Variants in CNOT1 observed in about 807,000 individuals in gnomAD.
CNOT1 encodes CCR4-associated factor 1.
In CNOT1, 15 loss-of-function variants were observed where a neutral mutation model predicts 273.8. That is an observed-to-expected ratio of 0.05 (90% CI 0.04 to 0.08). CNOT1 has a LOEUF of 0.08. CNOT1 is among the 10% of genes least tolerant of loss of function. The probability of loss-of-function intolerance (pLI) is 1.00; values close to 1 mark genes in which losing one functional copy is unlikely to be tolerated. For synonymous variants in CNOT1, 1,022 were observed against 1,005.5 expected (o/e 1.02, Z -0.31); for missense variants, 1,644 against 2,912.2 (o/e 0.56, Z 10.02).
intron 35 of CNOT1, among the ~76,000 whole-genome samples, chr16:58,539,237 T>C (rs113857107): frequency 4.6e-5 from 7 of 152,150 alleles, no homozygotes; most frequent in African/African-American, 1.4e-4. Flanking sequence ...CTCATGTCTA[T>C]AATCCTAGCG....
At chr16:58,556,049 T>G in intron 19 of CNOT1, 141 bp from the exon 20 acceptor site, 1 of 1,434,880 alleles carries the variant, frequency 7.0e-7, no homozygotes, top group Non-Finnish European at 9.1e-7. Context: ...GCGGTCAAGT[T>G]TCAGTATTAA....
chr16:58,525,638 T>G (rs1014003510), intron 45 of CNOT1, among the ~76,000 whole-genome samples: 8 of 152,218 alleles, frequency 5.3e-5, no homozygotes, highest in Non-Finnish European at 1.2e-4. Flanking sequence ...AATTAAAGAT[T>G]TGGAGAGAAA....
chr16:58,576,239 T>C (rs1047625857), intron 14 of CNOT1, among the ~76,000 whole-genome samples: 2 of 151,904 alleles, frequency 1.3e-5, no homozygotes, highest in Non-Finnish European at 2.9e-5. Context: ...GCCTCCTGAG[T>C]AGCTGGGATT....
chr16:58,599,166 A>G, intron 2 of CNOT1, 70 bp downstream of exon 2: 1 of 1,602,746 alleles, frequency 6.2e-7, no homozygotes, highest in Non-Finnish European at 8.5e-7. Context: ...TGCCCACATA[A>G]ATGTGTGGTT....
intron 27 of CNOT1, 97 bp from the exon 28 acceptor site, chr16:58,546,846 T>G: frequency 2.8e-6 from 4 of 1,440,808 alleles, no homozygotes; most frequent in Non-Finnish European, 2.9e-6. Context: ...TAGGGGGGAG[T>G]CAAACAAATA....
intron 34 of CNOT1, 146 bp downstream of exon 34, chr16:58,541,355 A>G: frequency 2.3e-6 from 3 of 1,295,406 alleles, no homozygotes; most frequent in Non-Finnish European, 3.1e-6. Flanking sequence ...TTAATTGGAC[A>G]CAAAGAATAC....
At chr16:58,556,491 T>C (rs2040635993) in intron 19 of CNOT1, among the ~76,000 whole-genome samples, 1 of 152,192 alleles carries the variant, frequency 6.6e-6, no homozygotes. Context: ...AAACAAAAAT[T>C]GGAAACAGAA....
rs747079500 is a variant in CNOT1 at position 58,555,927 on chromosome 16, G to T, written c.2480-19C>A. 7 of 1,608,554 alleles carry T rather than the reference G, an allele frequency of 4.4e-6. No homozygotes were observed. In the African/African-American group the frequency reaches 6.7e-5, roughly 15 times the overall value. ...AAGTCCGCTGTTGGAAACAAAAAAGGAATCAGTGGGCATTTAAGCCCTTCC... is the reference window on the plus strand; with the variant it reads ...AAGTCCGCTGTTGGAAACAAAAAAGTAATCAGTGGGCATTTAAGCCCTTCC... On this transcript the variant is annotated intron_variant, in intron 19 of 48. Transcript: ENST00000317147.
chr16:58,543,117 AAAC>A (rs2040144546), intron 31 of CNOT1: 7 of 1,296,590 alleles, frequency 5.4e-6, no homozygotes, highest in African/African-American at 1.5e-5. Context: ...AAAAGGCAAA[AAAC>A]AACCAAAAAA....
intron 46 of CNOT1, among the ~76,000 whole-genome samples, chr16:58,524,672 C>G (rs2039525701): frequency 6.6e-6 from 1 of 152,008 alleles, no homozygotes; most frequent in African/African-American, 2.4e-5. Flanking sequence ...TAACTGGGGT[C>G]TCTATTTTAT....
At chr16:58,627,728 C>T (rs1445076257) in intron 1 of CNOT1, among the ~76,000 whole-genome samples, 1 of 152,072 alleles carries the variant, frequency 6.6e-6, no homozygotes, top group Non-Finnish European at 1.5e-5. Flanking sequence ...AATTCTTTTC[C>T]ACCGTAATGC....
chr16:58,553,106 CTACAAAAA>C (rs2040509565), intron 22 of CNOT1, among the ~76,000 whole-genome samples: 1 of 151,980 alleles, frequency 6.6e-6, no homozygotes. Flanking sequence ...AACCTCGTCT[CTACAAAAA>C]TACAAAAATT....
Position 58,547,303 on chromosome 16 carries a change from T to C in CNOT1, c.3640-7A>G, listed in dbSNP as rs574961189. The C allele has an allele frequency of 5.6e-6, 9 of 1,612,198 alleles. No individual in the cohort carries two copies. In the African/African-American group the frequency reaches 6.7e-5, roughly 12 times the overall value. On this transcript the variant is annotated splice_polypyrimidine_tract_variant and splice_region_variant and intron_variant, in intron 26 of 48. Coordinates refer to ENST00000317147, the MANE Select transcript of CNOT1 (RefSeq NM_016284.5). The surrounding 1 kb of genome is among the most constrained non-coding windows in gnomAD (Gnocchi z 4.0). ...ATGATTTCACATCCAAGTCCTAGAA[T>C]AAGAAAAATACTTTCAAAAGCGGGG... is the stretch of plus-strand genomic sequence containing the variant.
chr16:58,544,938 T>C (rs777177356), intron 30 of CNOT1, among the ~76,000 whole-genome samples: 8 of 152,202 alleles, frequency 5.3e-5, no homozygotes, highest in Non-Finnish European at 1.0e-4. Flanking sequence ...TTCAAGATCT[T>C]AGCCTAGAAA....
At position 58,547,201 on chromosome 16, in the gene CNOT1, A is replaced by G; in HGVS notation, c.3735T>C (p.Ser1245=). The G allele has an allele frequency of 6.2e-7, 1 of 1,613,100 alleles. No individual in the cohort carries two copies. Among genetic ancestry groups the G allele is most frequent in the Non-Finnish European group, 8.5e-7 (1 of 1,179,544 alleles). Residue 1245 remains serine (S), a synonymous_variant, in exon 27 of 49, where the codon TCT becomes TCC. Transcript: ENST00000317147. This position sits in a 1 kb window ranked among gnomAD's most constrained non-coding sequence, Gnocchi z 4.0. ...ATCTACTCACCACACTACGAATGCT[A>G]GATTCTAAGACTTTGGCAACAAAGG... The part of the protein sequence containing the change: ...VVPFVAKVLE[S]SIRSVVFRPP...
At chr16:58,525,097 G>A in intron 46 of CNOT1, 82 bp downstream of exon 46, 1 of 1,291,788 alleles carries the variant, frequency 7.7e-7, no homozygotes, top group Non-Finnish European at 1.1e-6. Flanking sequence ...ATTGTGGCTT[G>A]AAGCATTTTT....
chr16:58,551,505 T>C (rs934358955), intron 23 of CNOT1, 84 bp downstream of exon 23: 11 of 1,442,636 alleles, frequency 7.6e-6, no homozygotes, highest in African/African-American at 7.1e-5. Context: ...GCATGTGTTA[T>C]GATAAAATTC....
rs201673405 is a variant in CNOT1 at position 58,543,581 on chromosome 16, C to T, written c.4434+26G>A. 3.9e-4 allele frequency: 632 copies of T among 1,613,954 alleles called. No homozygotes were observed. The highest frequency in any genetic ancestry group is 5.0e-4 in the Non-Finnish European group (590 of 1,180,024). On this transcript the variant is annotated intron_variant, in intron 31 of 48. Transcript: ENST00000317147. ...AGACAAGCAGTAATACGTTTTGTAC[C>T]TATACCAAGGAAATAGCCAACTTAC...
At chr16:58,611,077 C>T (rs2042881554) in intron 1 of CNOT1, among the ~76,000 whole-genome samples, 1 of 151,992 alleles carries the variant, frequency 6.6e-6, no homozygotes, top group African/African-American at 2.4e-5. Flanking sequence ...CTAAGCACCA[C>T]CCAAGACCAA....
Sources: gnomAD v4.1 joint callset for allele counts (sites outside exome capture counted in the v4.1 genomes callset) on GRCh38, gnomAD v4.1.1 for gene constraint, Gnocchi (gnomAD v3.1) non-coding constraint, MANE v1.5 for transcripts, NCBI Gene and HGNC (gene_info 2026-07-23, HGNC 2026-07-21) for gene names.